The following DTNB variants were observed in gnomAD, a reference collection of about 807,000 sequenced individuals.
The protein encoded by DTNB is DTN-B.
DTNB carries 63 observed loss-of-function variants against 90.7 expected under a neutral mutation model. That is an observed-to-expected ratio of 0.69 (90% CI 0.57 to 0.86). DTNB has a LOEUF of 0.86. Ranked by LOEUF, DTNB falls within the 40% of genes least tolerant of loss-of-function variation. The pLI, the probability that DTNB is intolerant of heterozygous loss-of-function variation, is 0.00. For synonymous variants in DTNB, 277 were observed against 286.7 expected, an observed-to-expected ratio of 0.97 and a Z score of 0.34; for missense variants, 744 against 807.1, an observed-to-expected ratio of 0.92 and a Z score of 0.95.
intron 1 of DTNB, among the ~76,000 whole-genome samples, chr2:25,655,041 C>A (rs545083810): frequency 1.3e-5 from 2 of 152,290 alleles, no homozygotes; most frequent in African/African-American, 4.8e-5. Flanking sequence ...TGCAGCAGAC[C>A]CTGCCTTCAT....
At chr2:25,634,217 C>T (rs1199104446) in intron 3 of DTNB, among the ~76,000 whole-genome samples, 2 of 125,754 alleles carry the variant, frequency 1.6e-5, no homozygotes, top group Non-Finnish European at 3.7e-5. Flanking sequence ...CGGCCAGCCG[C>T]CCTGTCCGGG....
chr2:25,629,514 T>C (rs1348618911), intron 3 of DTNB, among the ~76,000 whole-genome samples: 2 of 152,170 alleles, frequency 1.3e-5, no homozygotes, highest in African/African-American at 4.8e-5. Flanking sequence ...AACCAAATTA[T>C]ACGCTGTTTG....
chr2:25,409,112 T>TG (rs1478390129), intron 16 of DTNB, among the ~76,000 whole-genome samples: 2 of 152,152 alleles, frequency 1.3e-5, no homozygotes. Flanking sequence ...GGTGGGAGGC[T>TG]GGCATGAATA....
chr2:25,526,362 A>AATATATATATAAATATAT (rs1443951326), intron 9 of DTNB, among the ~76,000 whole-genome samples: 1 of 99,790 alleles, frequency 1.0e-5, no homozygotes. Flanking sequence ...AATATATATA[A>AATATATATATAAATATAT]ATATATATAT....
At chr2:25,382,519 C>CTTTTTTTTTTT (rs3041261) in intron 19 of DTNB, among the ~76,000 whole-genome samples, 1 of 72,008 alleles carries the variant, frequency 1.4e-5, no homozygotes, top group African/African-American at 6.0e-5. Flanking sequence ...AGTTCTCTGC[C>CTTTTTTTTTTT]TTTTTTTTTT....
chr2:25,499,582 A>T (rs1575133150), intron 9 of DTNB, among the ~76,000 whole-genome samples: 1 of 151,660 alleles, frequency 6.6e-6, no homozygotes, highest in Non-Finnish European at 1.5e-5. Flanking sequence ...AAGTTTGAAA[A>T]CCCCTTTCCT....
intron 16 of DTNB, among the ~76,000 whole-genome samples, chr2:25,414,320 G>A (rs543599753): frequency 6.6e-6 from 1 of 152,284 alleles, no homozygotes; most frequent in African/African-American, 2.4e-5. Flanking sequence ...GCAGTGGTGC[G>A]ATCTCGGCTC....
chr2:25,619,297 A>G (rs1288988810), intron 4 of DTNB, among the ~76,000 whole-genome samples: 1 of 150,300 alleles, frequency 6.7e-6, no homozygotes, highest in Non-Finnish European at 1.5e-5. Flanking sequence ...CGATTATCAT[A>G]TGTAGCTAAA....
chr2:25,380,926 G>C (rs982604598), intron 19 of DTNB, among the ~76,000 whole-genome samples: 3 of 152,244 alleles, frequency 2.0e-5, no homozygotes, highest in Admixed American at 6.5e-5. Flanking sequence ...GGCTGGGCAA[G>C]GGAAACCCAG....
chr2:25,572,576 G>C (rs949870614), intron 8 of DTNB, among the ~76,000 whole-genome samples: 1 of 151,722 alleles, frequency 6.6e-6, no homozygotes, highest in African/African-American at 2.4e-5. Flanking sequence ...GGCCAGGTGG[G>C]CTCTGGCATA....
intron 3 of DTNB, among the ~76,000 whole-genome samples, chr2:25,637,368 T>G (rs858657): frequency 0.036 from 5,411 of 152,190 alleles, 155 homozygotes; most frequent in African/African-American, 0.083. Context: ...GGGATCTAAT[T>G]AAACTAAAGA....
intron 2 of DTNB, among the ~76,000 whole-genome samples, chr2:25,643,893 G>C (rs529558088): frequency 1.3e-5 from 2 of 152,264 alleles, no homozygotes; most frequent in South Asian, 4.2e-4. Flanking sequence ...CCAAGATACA[G>C]GTCATAAAGA....
At chr2:25,624,688 G>A (rs1351292659) in intron 4 of DTNB, among the ~76,000 whole-genome samples, 2 of 152,220 alleles carry the variant, frequency 1.3e-5, no homozygotes, top group African/African-American at 4.8e-5. Context: ...AAACCTTAAA[G>A]TGTGAAACTG....
At chr2:25,628,414 A>C in intron 3 of DTNB, 30 bp from the exon 4 acceptor site, 3 of 1,591,678 alleles carry the variant, frequency 1.9e-6, no homozygotes, top group Middle Eastern at 1.7e-4. Flanking sequence ...AACTGTCAAC[A>C]ATTTTAAAGT....
intron 8 of DTNB, among the ~76,000 whole-genome samples, chr2:25,532,857 A>C (rs1009544214): frequency 6.6e-6 from 1 of 152,358 alleles, no homozygotes; most frequent in Middle Eastern, 3.4e-3. Flanking sequence ...ATAGACTTCT[A>C]TATGCTGCTT....
intron 10 of DTNB, among the ~76,000 whole-genome samples, chr2:25,477,574 C>T (rs1010894686): frequency 6.6e-6 from 1 of 152,032 alleles, no homozygotes; most frequent in Non-Finnish European, 1.5e-5. Context: ...GGTATTATGT[C>T]CCAAGTCAAT....
intron 15 of DTNB, among the ~76,000 whole-genome samples, chr2:25,420,725 C>T (rs950996170): frequency 2.6e-5 from 4 of 152,208 alleles, no homozygotes; most frequent in East Asian, 1.9e-4. Flanking sequence ...TCAGGTGATC[C>T]GCCTACCTTG....
intron 8 of DTNB, among the ~76,000 whole-genome samples, chr2:25,534,505 T>C (rs1463971496): frequency 6.6e-6 from 1 of 152,164 alleles, no homozygotes; most frequent in East Asian, 1.9e-4. Flanking sequence ...CTGTTCTCAG[T>C]GGTCGCTGTC....
intron 16 of DTNB, among the ~76,000 whole-genome samples, chr2:25,410,948 T>C (rs573455398): frequency 6.6e-6 from 1 of 152,038 alleles, no homozygotes; most frequent in South Asian, 2.1e-4. Context: ...TTTTTTTTTT[T>C]TTTTAAACCC....
Sources: gnomAD v4.1 joint callset for allele counts (sites outside exome capture counted in the v4.1 genomes callset) on GRCh38, gnomAD v4.1.1 for gene constraint, MANE v1.5 for transcripts, NCBI Gene and HGNC (gene_info 2026-07-23, HGNC 2026-07-21) for gene names.